The following ERC2 variants were observed in gnomAD, a reference collection of about 807,000 sequenced individuals.
The protein encoded by ERC2 is ELKS/RAB6-interacting/CAST family member 2.
In ERC2, 42 loss-of-function variants were observed where a neutral mutation model predicts 114.8. The observed-to-expected ratio is 0.37, with a 90% CI of 0.29 to 0.47. The LOEUF (loss-of-function observed/expected upper bound fraction) is 0.47, where lower values mean the gene tolerates loss of function less well. ERC2 is among the 20% of genes least tolerant of loss of function. ERC2 has a pLI of 0.99. For synonymous variants in ERC2, 454 were observed against 425.5 expected, an observed-to-expected ratio of 1.07 and a Z score of -0.82; for missense variants, 939 against 1,150.7, an observed-to-expected ratio of 0.82 and a Z score of 2.66.
chr3:56,327,922 T>C (rs1324849050), intron 2 of ERC2, among the ~76,000 whole-genome samples: 2 of 152,212 alleles, frequency 1.3e-5, no homozygotes, highest in East Asian at 1.9e-4. Context: ...CTACATGTGG[T>C]TGAGTTCAGA....
At chr3:56,155,829 A>G (rs1035163333) in intron 4 of ERC2, among the ~76,000 whole-genome samples, 2 of 152,210 alleles carry the variant, frequency 1.3e-5, no homozygotes, top group African/African-American at 4.8e-5. Context: ...GTAAGTTTAA[A>G]GAAAAACAGA....
At chr3:56,019,676 C>T (rs1282039252) in intron 7 of ERC2, among the ~76,000 whole-genome samples, 1 of 152,120 alleles carries the variant, frequency 6.6e-6, no homozygotes, top group Non-Finnish European at 1.5e-5. Context: ...GGCAACCAAC[C>T]AGCCACTTTT....
intron 17 of ERC2, among the ~76,000 whole-genome samples, chr3:55,543,622 A>C (rs2054546847): frequency 6.6e-6 from 1 of 152,144 alleles, no homozygotes; most frequent in Non-Finnish European, 1.5e-5. Context: ...AGTCTCTCTT[A>C]GTTGTAAGAA....
At chr3:55,986,059 T>C in intron 11 of ERC2, 71 bp from the exon 12 acceptor site, 2 of 1,406,098 alleles carry the variant, frequency 1.4e-6, no homozygotes, top group Non-Finnish European at 1.9e-6. Context: ...CAAAAGAGAA[T>C]AAAAGGAAGG....
chr3:55,743,685 C>T (rs553645258), intron 14 of ERC2, among the ~76,000 whole-genome samples: 2 of 151,128 alleles, frequency 1.3e-5, no homozygotes, highest in Non-Finnish European at 1.5e-5. Context: ...AACATACCCA[C>T]ACAAATGAAA....
chr3:55,997,939 T>G (rs80206623), intron 10 of ERC2, among the ~76,000 whole-genome samples: 32,661 of 116,486 alleles, frequency 0.28, 6,764 homozygotes, highest in East Asian at 0.46. Flanking sequence ...GTTTTTTTTT[T>G]TTTTTTGGTA....
At chr3:55,669,306 A>C (rs1475760652) in intron 17 of ERC2, among the ~76,000 whole-genome samples, 1 of 152,198 alleles carries the variant, frequency 6.6e-6, no homozygotes, top group East Asian at 1.9e-4. Flanking sequence ...AAGAACCCAT[A>C]ATCTGCTAGA....
intron 2 of ERC2, among the ~76,000 whole-genome samples, chr3:56,350,553 G>GATATAT (rs200599701): frequency 1.4e-5 from 2 of 143,280 alleles, no homozygotes; most frequent in Admixed American, 6.9e-5. Flanking sequence ...AAAAGAAGAG[G>GATATAT]ATATATATAT....
intron 14 of ERC2, chr3:55,852,579 C>T (rs1390245127): frequency 6.5e-6 from 1 of 153,592 alleles, no homozygotes; most frequent in Non-Finnish European, 1.5e-5. Context: ...ATCTAGTGAT[C>T]GGGTTAAAAA....
chr3:55,857,156 C>T (rs965574793), intron 14 of ERC2, among the ~76,000 whole-genome samples: 2 of 151,838 alleles, frequency 1.3e-5, no homozygotes, highest in Admixed American at 6.6e-5. Flanking sequence ...ATATTGGTTA[C>T]AAGGGTGAAT....
chr3:55,522,069 G>A (rs1181946875), intron 17 of ERC2, among the ~76,000 whole-genome samples: 1 of 152,192 alleles, frequency 6.6e-6, no homozygotes, highest in Non-Finnish European at 1.5e-5. Context: ...TTGGCAGATA[G>A]GGGCTAAATG....
intron 14 of ERC2, among the ~76,000 whole-genome samples, chr3:55,831,416 G>C (rs1575754726): frequency 1.4e-5 from 1 of 69,084 alleles, no homozygotes; most frequent in African/African-American, 8.9e-5. Flanking sequence ...GGGAAGGGGA[G>C]GGGAAGGGAA....
chr3:56,060,714 A>T (rs912597127), intron 7 of ERC2, among the ~76,000 whole-genome samples: 2 of 152,180 alleles, frequency 1.3e-5, no homozygotes, highest in Admixed American at 6.5e-5. Flanking sequence ...ATTGATCCCA[A>T]CATCGTCCCA....
intron 14 of ERC2, among the ~76,000 whole-genome samples, chr3:55,810,556 A>G (rs1367493468): frequency 4.6e-5 from 7 of 151,554 alleles, no homozygotes; most frequent in Non-Finnish European, 7.4e-5. Context: ...TCCGCCTCCC[A>G]GGTTCAAGCG....
Position 56,319,349 on chromosome 3 carries a change from G to A in ERC2, c.658-22914C>T, listed in dbSNP as rs967709324. Among the ~76,000 whole-genome samples, 3 of 150,662 alleles carry A rather than the reference G, an allele frequency of 2.0e-5. No individual in the cohort carries two copies. The South Asian group carries it at 6.3e-4, about 32-fold the overall frequency. On this transcript the variant is annotated intron_variant, in intron 2 of 17. Coordinates refer to ENST00000288221, the MANE Select transcript of ERC2 (RefSeq NM_015576.3). ...AAATTCTGCCATATGCCACAACAAA[G>A]ATGAACTTTGAGGACATTACGCTAA...
At chr3:55,689,496 A>T (rs2062519923) in intron 16 of ERC2, among the ~76,000 whole-genome samples, 1 of 152,172 alleles carries the variant, frequency 6.6e-6, no homozygotes, top group Non-Finnish European at 1.5e-5. Flanking sequence ...AGATAACCAT[A>T]AAAAAGGGTG....
intron 7 of ERC2, among the ~76,000 whole-genome samples, chr3:56,052,557 A>T (rs1344953839): frequency 2.0e-5 from 3 of 152,226 alleles, no homozygotes; most frequent in Admixed American, 2.0e-4. Context: ...CCCTCAGACC[A>T]GTGAATATGA....
chr3:56,346,438 A>T lies in ERC2; in HGVS notation c.658-50003T>A, dbSNP rs547136780. 1.4e-3 allele frequency among the ~76,000 whole-genome samples: 212 copies of T among 152,320 alleles called. 2 individuals carry two copies. Among genetic ancestry groups the T allele is most frequent in the South Asian group, 0.013 (63 of 4,824 alleles). ...TAAGACCTTGTATTAGTCCATTTTT[A>T]TGTTGCTATGAAGGAATACCCAAGG... On this transcript the variant is annotated intron_variant, in intron 2 of 17. Coordinates refer to ENST00000288221, the MANE Select transcript of ERC2 (RefSeq NM_015576.3).
intron 17 of ERC2, among the ~76,000 whole-genome samples, chr3:55,574,907 A>G (rs2056896798): frequency 6.6e-6 from 1 of 152,196 alleles, no homozygotes; most frequent in South Asian, 2.1e-4. Flanking sequence ...CCCCACTGCC[A>G]TGTAAGTGCC....
Sources: allele counts gnomAD v4.1 joint callset (sites outside exome capture counted in the v4.1 genomes callset), GRCh38; gene constraint gnomAD v4.1.1; transcripts MANE v1.5; gene names NCBI Gene and HGNC (gene_info 2026-07-23, HGNC 2026-07-21).